Variants in ORC3 observed in about 807,000 individuals in gnomAD.
The protein encoded by ORC3 is homolog of latheo, Drosophila.
Under a neutral mutation model 100.7 loss-of-function variants are expected in ORC3, and 78 were observed. That is an observed-to-expected ratio of 0.77 (90% CI 0.65 to 0.94). The LOEUF is 0.94. Ranked by LOEUF, ORC3 falls within the 40% of genes least tolerant of loss-of-function variation. The pLI, the probability that ORC3 is intolerant of heterozygous loss-of-function variation, is 0.00. For synonymous variants in ORC3, 295 were observed against 289.3 expected, an observed-to-expected ratio of 1.02 and a Z score of -0.20; for missense variants, 789 against 823.9, an observed-to-expected ratio of 0.96 and a Z score of 0.52.
intron 13 of ORC3, among the ~76,000 whole-genome samples, chr6:87,647,032 C>T (rs1300202737): frequency 6.6e-6 from 1 of 152,200 alleles, no homozygotes; most frequent in African/African-American, 2.4e-5. Context: ...TCACTTGTAC[C>T]ATCATAGTCT....
At chr6:87,632,372 T>A (rs1767492632) in intron 11 of ORC3, among the ~76,000 whole-genome samples, 1 of 149,954 alleles carries the variant, frequency 6.7e-6, no homozygotes, top group African/African-American at 2.4e-5. Context: ...AGTCAGCACA[T>A]AAGGTGAAGA....
chr6:87,660,165 C>A (rs1016963680), intron 16 of ORC3, among the ~76,000 whole-genome samples: 2 of 152,334 alleles, frequency 1.3e-5, no homozygotes, highest in Non-Finnish European at 1.5e-5. Flanking sequence ...CTGTCATGAT[C>A]CTTCACCTAA....
At chr6:87,634,194 A>G (rs1767641379) in intron 11 of ORC3, among the ~76,000 whole-genome samples, 1 of 152,154 alleles carries the variant, frequency 6.6e-6, no homozygotes, top group South Asian at 2.1e-4. Flanking sequence ...GCTAGATTCT[A>G]AATTATAAAA....
At chr6:87,672,639 C>T in the ORC3 span, among the ~76,000 whole-genome samples, 1 of 152,162 alleles carries the variant, frequency 6.6e-6, no homozygotes, top group East Asian at 1.9e-4. Flanking sequence ...CTTAAATCAC[C>T]TAGGCAGCAT....
intron 1 of ORC3, 92 bp downstream of exon 1, chr6:87,590,284 C>A: frequency 7.3e-7 from 1 of 1,377,614 alleles, no homozygotes. Flanking sequence ...GCATCCCTTC[C>A]CTGGCTGGAG....
chr6:87,657,038 TTGTGCTC>T, intron 15 of ORC3, 56 bp downstream of exon 15: 1 of 1,171,522 alleles, frequency 8.5e-7, no homozygotes, highest in Non-Finnish European at 1.3e-6. Flanking sequence ...TTTTTTCAGT[TTGTGCTC>T]TAGATTAACT....
At chr6:87,610,947 T>G (rs1778716255) in intron 7 of ORC3, among the ~76,000 whole-genome samples, 2 of 147,016 alleles carry the variant, frequency 1.4e-5, no homozygotes, top group South Asian at 4.3e-4. Context: ...TTTTTTTTTT[T>G]TTTTTTTGAG....
chr6:87,655,825 A>G (rs759357060), intron 14 of ORC3, among the ~76,000 whole-genome samples: 1 of 152,124 alleles, frequency 6.6e-6, no homozygotes, highest in Non-Finnish European at 1.5e-5. Flanking sequence ...TTTCAAAGGC[A>G]TATTAGGTTT....
intron 13 of ORC3, among the ~76,000 whole-genome samples, chr6:87,640,805 G>A (rs981076249): frequency 1.3e-5 from 2 of 152,106 alleles, no homozygotes; most frequent in Admixed American, 1.3e-4. Flanking sequence ...AAGGGTTATT[G>A]TAAATCAGAG....
Position 87,603,428 on chromosome 6 carries a change from T to C in ORC3, c.222T>C (p.Ile74=), listed in dbSNP as rs745852298. 1.8e-5 allele frequency: 28 copies of C among 1,532,362 alleles called. No individual in the cohort carries two copies. In the South Asian group the frequency reaches 3.0e-4, roughly 17 times the overall value. The allele number at this position is 1,532,362 out of a possible 1,614,324, so 94.9% of individuals were successfully genotyped here. Residue 74 remains isoleucine (I), a synonymous_variant, in exon 4 of 20, where the codon ATT becomes ATC. Transcript: ENST00000392844. ...ELNKNLFDNL[I]EFLQKSHSGF... ...ATAAAAACTTGTTTGACAATCTGAT[T>C]GAATTTCTGCAAAAATCACATTCTG... is the stretch of plus-strand genomic sequence containing the variant.
chr6:87,611,979 G>A, intron 7 of ORC3, 110 bp from the exon 8 acceptor site: 5 of 965,952 alleles, frequency 5.2e-6, no homozygotes, highest in Non-Finnish European at 7.6e-6. Flanking sequence ...ATCCTTAACA[G>A]TGTCTTATAA....
chr6:87,654,026 G>A (rs759575411), intron 14 of ORC3, among the ~76,000 whole-genome samples: 13 of 152,084 alleles, frequency 8.5e-5, no homozygotes, highest in Non-Finnish European at 1.3e-4. Context: ...TGGTGTGTAC[G>A]TTTTACTTTT....
At chr6:87,622,645 C>A (rs1404328969) in intron 11 of ORC3, among the ~76,000 whole-genome samples, 2 of 150,786 alleles carry the variant, frequency 1.3e-5, no homozygotes, top group East Asian at 1.9e-4. Context: ...GGCTTCGTTT[C>A]ACCTGTCTTC....
At chr6:87,606,240 CAG>C (rs1266946981) in intron 5 of ORC3, among the ~76,000 whole-genome samples, 2 of 152,168 alleles carry the variant, frequency 1.3e-5, no homozygotes, top group African/African-American at 4.8e-5. Context: ...TCTGCCCTAT[CAG>C]CTTAACTGCC....
At chr6:87,635,052 G>A in intron 12 of ORC3, 91 bp downstream of exon 12, 2 of 779,272 alleles carry the variant, frequency 2.6e-6, no homozygotes, top group South Asian at 2.7e-5. Context: ...ATCAGAATGT[G>A]AAATGAAGCC....
chr6:87,645,943 G>T (rs1768731806), intron 13 of ORC3, among the ~76,000 whole-genome samples: 1 of 150,536 alleles, frequency 6.6e-6, no homozygotes, highest in Non-Finnish European at 1.5e-5. Flanking sequence ...GCATTTTTTG[G>T]ACCATTTACC....
intron 15 of ORC3, among the ~76,000 whole-genome samples, chr6:87,657,674 G>A (rs1447309445): frequency 6.6e-6 from 1 of 152,170 alleles, no homozygotes; most frequent in Non-Finnish European, 1.5e-5. Context: ...TAGTAGTAAA[G>A]TGAACTGCCC....
intron 13 of ORC3, among the ~76,000 whole-genome samples, chr6:87,649,708 T>C (rs1583143152): frequency 6.6e-6 from 1 of 152,124 alleles, no homozygotes; most frequent in Admixed American, 6.6e-5. Context: ...ATTGCACCAT[T>C]GCACTCCAGC....
chr6:87,609,916 A>G (rs765734898), intron 7 of ORC3, among the ~76,000 whole-genome samples: 1 of 152,172 alleles, frequency 6.6e-6, no homozygotes, highest in African/African-American at 2.4e-5. Context: ...TCTGAGTTGC[A>G]TATAGTTTTA....
Sources: allele counts gnomAD v4.1 joint callset (sites outside exome capture counted in the v4.1 genomes callset), GRCh38; gene constraint gnomAD v4.1.1; transcripts MANE v1.5; gene names NCBI Gene and HGNC (gene_info 2026-07-23, HGNC 2026-07-21).